Variants in KIF26B observed in about 807,000 individuals in gnomAD.
KIF26B encodes the protein kinesin family member 26B, also known as kinesin-like protein KIF26B.
In KIF26B, 63 loss-of-function variants were observed where a neutral mutation model predicts 151.2. The observed-to-expected ratio is 0.42, with a 90% CI of 0.34 to 0.51. KIF26B has a LOEUF of 0.51. Ranked by LOEUF, KIF26B falls within the 20% of genes least tolerant of loss-of-function variation. The probability of loss-of-function intolerance (pLI) is 0.07; values close to 1 mark genes in which losing one functional copy is unlikely to be tolerated. For synonymous variants in KIF26B, 1,357 were observed against 1,262.1 expected, an observed-to-expected ratio of 1.08 and a Z score of -1.59; for missense variants, 2,813 against 2,913.6, an observed-to-expected ratio of 0.97 and a Z score of 0.79.
chr1:245,527,263 A>G (rs1448220245), intron 4 of KIF26B, among the ~76,000 whole-genome samples: 1 of 152,246 alleles, frequency 6.6e-6, no homozygotes, highest in Non-Finnish European at 1.5e-5. Context: ...TTAAACTAGA[A>G]AAGATATACG....
chr1:245,211,119 C>A (rs1026920804), intron 2 of KIF26B, among the ~76,000 whole-genome samples: 1 of 152,142 alleles, frequency 6.6e-6, no homozygotes, highest in Non-Finnish European at 1.5e-5. Context: ...CCAACTGTTG[C>A]TGAACGCGAT....
chr1:245,557,510 C>T (rs1662068407), intron 5 of KIF26B, among the ~76,000 whole-genome samples: 3 of 152,182 alleles, frequency 2.0e-5, no homozygotes, highest in Admixed American at 2.0e-4. Flanking sequence ...AATTGTGAGG[C>T]TCCAATAACT....
intron 3 of KIF26B, among the ~76,000 whole-genome samples, chr1:245,389,337 T>C (rs532144249): frequency 6.6e-6 from 1 of 151,882 alleles, no homozygotes; most frequent in Non-Finnish European, 1.5e-5. Flanking sequence ...GGTCTTGAAC[T>C]CCTGACCTCA....
chr1:245,494,657 G>A (rs904405265), intron 4 of KIF26B, among the ~76,000 whole-genome samples: 3 of 152,178 alleles, frequency 2.0e-5, no homozygotes, highest in African/African-American at 7.2e-5. Context: ...GGCATTATCA[G>A]ACATAAATTT....
chr1:245,253,555 T>C (rs2103566220), intron 2 of KIF26B, among the ~76,000 whole-genome samples: 1 of 152,156 alleles, frequency 6.6e-6, no homozygotes, highest in Middle Eastern at 3.4e-3. Context: ...AGGAAATAAG[T>C]TGGGGTATGT....
chr1:245,678,574 G>A (rs1274121238), intron 10 of KIF26B, among the ~76,000 whole-genome samples: 1 of 151,944 alleles, frequency 6.6e-6, no homozygotes, highest in East Asian at 1.9e-4. Context: ...GTAAAAAAAA[G>A]CAAGACAGGC....
chr1:245,397,963 T>C (rs1010441034), intron 3 of KIF26B, among the ~76,000 whole-genome samples: 2 of 152,206 alleles, frequency 1.3e-5, no homozygotes, highest in Non-Finnish European at 2.9e-5. Context: ...GAAGTAATTT[T>C]TGGCTGACTT....
Position 245,239,743 on chromosome 1 carries a change from G to C in KIF26B, c.465+83060G>C, listed in dbSNP as rs1290085402. Among the ~76,000 whole-genome samples the C allele has an allele frequency of 6.6e-6, 1 of 152,130 alleles. No individual in the cohort carries two copies. The highest frequency in any genetic ancestry group is 2.4e-5 in the African/African-American group (1 of 41,438). On this transcript the variant is annotated intron_variant, in intron 2 of 14. Coordinates refer to ENST00000407071, the MANE Select transcript of KIF26B (RefSeq NM_018012.4). This position sits in a 1 kb window ranked among gnomAD's most constrained non-coding sequence, Gnocchi z 4.3. ...TGGTCTCAAACTCCTGACCTCAGGT[G>C]ATCTGGCCTCCCAGAGTGCTGGGAT...
intron 2 of KIF26B, among the ~76,000 whole-genome samples, chr1:245,294,336 T>A (rs1246963738): frequency 6.6e-6 from 1 of 152,218 alleles, no homozygotes. Flanking sequence ...CATGAGGGTC[T>A]AACTATACAG....
intron 5 of KIF26B, among the ~76,000 whole-genome samples, chr1:245,598,512 G>A (rs2043357812): frequency 6.6e-6 from 1 of 152,156 alleles, no homozygotes; most frequent in Non-Finnish European, 1.5e-5. Context: ...CGTGACGAGG[G>A]AAAAACAGGA....
rs144997991 is a variant in KIF26B at position 245,256,518 on chromosome 1, T to G, written c.465+99835T>G. ...GCCCCTGGCCAGTGCTGCTCAGCCTTCCCCACTTTTAGGAGAGTTGGTTGA... is the reference window on the plus strand; with the variant it reads ...GCCCCTGGCCAGTGCTGCTCAGCCTGCCCCACTTTTAGGAGAGTTGGTTGA... On this transcript the variant is annotated intron_variant, in intron 2 of 14. Transcript: ENST00000407071. Among the ~76,000 whole-genome samples the G allele has an allele frequency of 6.6e-3, 1,003 of 152,274 alleles. 15 individuals are homozygous for G. The highest frequency in any genetic ancestry group is 0.022 in the African/African-American group (934 of 41,542).
chr1:245,384,677 G>T (rs1030041830), intron 3 of KIF26B, among the ~76,000 whole-genome samples: 1 of 152,148 alleles, frequency 6.6e-6, no homozygotes, highest in East Asian at 1.9e-4. Flanking sequence ...CGTATTTATG[G>T]AGTCCTGAAC....
intron 5 of KIF26B, among the ~76,000 whole-genome samples, chr1:245,556,261 CCCT>C (rs933907624): frequency 1.5e-4 from 18 of 123,502 alleles, no homozygotes; most frequent in Non-Finnish European, 2.5e-4. Context: ...CCTCCTTCCT[CCCT>C]CCTCCTCCTC....
intron 4 of KIF26B, among the ~76,000 whole-genome samples, chr1:245,464,427 G>A (rs866410649): frequency 6.6e-6 from 1 of 151,400 alleles, no homozygotes; most frequent in African/African-American, 2.4e-5. Flanking sequence ...GTGTGTGGGT[G>A]TGTGCATGTC....
At chr1:245,595,765 AAT>A (rs1399098220) in intron 5 of KIF26B, among the ~76,000 whole-genome samples, 7 of 152,094 alleles carry the variant, frequency 4.6e-5, no homozygotes, top group Non-Finnish European at 7.4e-5. Context: ...CCTCTGGTAG[AAT>A]TCAGCTGTGA....
At chr1:245,442,367 A>G (rs1659126295) in intron 4 of KIF26B, among the ~76,000 whole-genome samples, 1 of 152,130 alleles carries the variant, frequency 6.6e-6, no homozygotes, top group African/African-American at 2.4e-5. Context: ...TTTCCAGAAG[A>G]CTCAAAAACA....
Position 245,201,202 on chromosome 1 carries a change from G to A in KIF26B, c.465+44519G>A, listed in dbSNP as rs186000663. Among the ~76,000 whole-genome samples, 176 of 152,216 alleles carry A rather than the reference G, an allele frequency of 1.2e-3. 1 individual carries two copies. Among genetic ancestry groups the A allele is most frequent in the African/African-American group, 4.0e-3 (165 of 41,504 alleles). On this transcript the variant is annotated intron_variant, in intron 2 of 14. Coordinates refer to ENST00000407071, the MANE Select transcript of KIF26B (RefSeq NM_018012.4). ...CCTGTCTCAGTACACACACTGCCTC[G>A]CCTCCTGATTTTTAAGGTATTACAA...
At chr1:245,637,981 T>C (rs2043852825) in intron 9 of KIF26B, among the ~76,000 whole-genome samples, 1 of 151,988 alleles carries the variant, frequency 6.6e-6, no homozygotes, top group Middle Eastern at 3.2e-3. Context: ...ATTTATCTAC[T>C]ACGGGTTTTT....
intron 2 of KIF26B, among the ~76,000 whole-genome samples, chr1:245,360,505 T>A (rs1268039430): frequency 6.6e-6 from 1 of 152,228 alleles, no homozygotes; most frequent in African/African-American, 2.4e-5. Context: ...TTATCACATT[T>A]AATTCTTACT....
Sources: gnomAD v4.1 joint callset for allele counts (sites outside exome capture counted in the v4.1 genomes callset) on GRCh38, gnomAD v4.1.1 for gene constraint, Gnocchi (gnomAD v3.1) non-coding constraint, MANE v1.5 for transcripts, NCBI Gene and HGNC (gene_info 2026-07-23, HGNC 2026-07-21) for gene names.